TANC1: variants seen among roughly 807,000 people sequenced by gnomAD.
TANC1 encodes the protein protein TANC1.
A neutral mutation model predicts 149.7 loss-of-function variants in TANC1; 77 were observed. The observed-to-expected ratio is 0.51, with a 90% CI of 0.43 to 0.62. The LOEUF (loss-of-function observed/expected upper bound fraction) is 0.62. TANC1 is among the 20% of genes least tolerant of loss of function. The pLI is 0.00. For synonymous variants in TANC1, 854 were observed against 925.0 expected (o/e 0.92, Z 1.39); for missense variants, 1,985 against 2,321.8 (o/e 0.85, Z 2.98).
chr2:159,093,505 G>T (rs6753771), intron 3 of TANC1, among the ~76,000 whole-genome samples: 1 of 152,076 alleles, frequency 6.6e-6, no homozygotes, highest in Non-Finnish European at 1.5e-5. Context: ...TTGTTTGACC[G>T]TATTCCCCTT....
chr2:159,105,109 T>C (rs1174866762), intron 4 of TANC1, among the ~76,000 whole-genome samples: 2 of 138,028 alleles, frequency 1.4e-5, no homozygotes, highest in Non-Finnish European at 3.1e-5. Flanking sequence ...ATTCTCCTGC[T>C]TCAGCCTTCC....
intron 1 of TANC1, among the ~76,000 whole-genome samples, chr2:158,996,514 T>C (rs374803239): frequency 1.2e-4 from 18 of 152,386 alleles, no homozygotes; most frequent in African/African-American, 4.1e-4. Context: ...AAATGATTTC[T>C]AGTGATTGCA....
chr2:159,229,526 CT>C, intron 26 of TANC1, 51 bp from the exon 27 acceptor site: 1 of 1,403,668 alleles, frequency 7.1e-7, no homozygotes, highest in South Asian at 1.3e-5. Flanking sequence ...CAGTTACACT[CT>C]GAGCATGTTC....
chr2:159,021,593 A>G (rs527697412), intron 2 of TANC1, among the ~76,000 whole-genome samples: 1 of 152,246 alleles, frequency 6.6e-6, no homozygotes, highest in South Asian at 2.1e-4. Flanking sequence ...CAGCCTGGGC[A>G]ATGTAACGAG....
At chr2:158,985,831 A>T (rs1214020722) in intron 1 of TANC1, among the ~76,000 whole-genome samples, 1 of 151,932 alleles carries the variant, frequency 6.6e-6, no homozygotes, top group Non-Finnish European at 1.5e-5. Flanking sequence ...TTTAGTAGAG[A>T]CTGGGTTTCA....
At position 159,027,367 on chromosome 2, in the gene TANC1, G is replaced by A. The variant is rs115265239; in HGVS notation, c.-16+26178G>A. ...AAGCTCTGCATTTCACAAAGACCTA[G>A]GACATGGACACAATTTAGCCAAGCT... On this transcript the variant is annotated intron_variant, in intron 2 of 26. Coordinates refer to ENST00000263635, the MANE Select transcript of TANC1 (RefSeq NM_033394.3). 8.8e-4 allele frequency among the ~76,000 whole-genome samples: 134 copies of A among 152,270 alleles called. 1 individual carries two copies. Among genetic ancestry groups the A allele is most frequent in the African/African-American group, 3.0e-3 (126 of 41,542 alleles).
intron 2 of TANC1, among the ~76,000 whole-genome samples, chr2:159,018,617 G>T (rs2038508083): frequency 6.6e-6 from 1 of 152,114 alleles, no homozygotes; most frequent in South Asian, 2.1e-4. Context: ...ACCCCAAAGA[G>T]AAATTCTGTA....
At chr2:159,049,796 T>C (rs1414732021) in intron 2 of TANC1, among the ~76,000 whole-genome samples, 1 of 152,130 alleles carries the variant, frequency 6.6e-6, no homozygotes, top group Admixed American at 6.5e-5. Flanking sequence ...GGACCCAGAC[T>C]AGTGAGTGGG....
rs559554034 is a variant in TANC1 at position 159,065,489 on chromosome 2, G to A, written c.-15-407G>A. On this transcript the variant is annotated intron_variant, in intron 2 of 26. Transcript: ENST00000263635. ...CCTGTAAAACATTGCCTTTAACCAT[G>A]TAGCTTCTTTCATTATCTTTTTGAT... 2.6e-5 allele frequency among the ~76,000 whole-genome samples: 4 copies of A among 152,250 alleles called. No individual in the cohort carries two copies. The South Asian group carries it at 8.3e-4, about 32-fold the overall frequency.
chr2:159,002,171 G>T (rs2036666798), intron 2 of TANC1, among the ~76,000 whole-genome samples: 2 of 152,210 alleles, frequency 1.3e-5, no homozygotes, highest in African/African-American at 4.8e-5. Flanking sequence ...CCCAGACTGG[G>T]ACCTGCGGCC....
At chr2:159,222,549 C>T (rs571881073) in intron 22 of TANC1, among the ~76,000 whole-genome samples, 3 of 152,154 alleles carry the variant, frequency 2.0e-5, no homozygotes, top group South Asian at 2.1e-4. Flanking sequence ...CATGTTGTAG[C>T]GTGTGTTAGA....
At chr2:158,988,767 C>T (rs546881353) in intron 1 of TANC1, among the ~76,000 whole-genome samples, 1 of 152,158 alleles carries the variant, frequency 6.6e-6, no homozygotes, top group Non-Finnish European at 1.5e-5. Flanking sequence ...GGCATTCTTT[C>T]TTCCTACCTC....
At chr2:159,176,123 A>G (rs1419585229) in intron 12 of TANC1, among the ~76,000 whole-genome samples, 1 of 152,210 alleles carries the variant, frequency 6.6e-6, no homozygotes, top group Admixed American at 6.5e-5. Flanking sequence ...TTCTGCTAAC[A>G]TGTGTCATGC....
chr2:159,102,823 A>G (rs1401966803), intron 4 of TANC1, among the ~76,000 whole-genome samples: 1 of 85,000 alleles, frequency 1.2e-5, no homozygotes, highest in East Asian at 2.5e-4. Context: ...GGTTCACGCC[A>G]TTCTCCTGCT....
chr2:159,131,397 T>C (rs1449546800), intron 4 of TANC1, among the ~76,000 whole-genome samples: 1 of 152,024 alleles, frequency 6.6e-6, no homozygotes, highest in Non-Finnish European at 1.5e-5. Context: ...GTCTCACTTT[T>C]CCTTCAGTAG....
intron 16 of TANC1, among the ~76,000 whole-genome samples, chr2:159,192,159 A>AGC (rs2150676266): frequency 6.6e-6 from 1 of 152,244 alleles, no homozygotes; most frequent in East Asian, 1.9e-4. Context: ...TAGTGGAAGC[A>AGC]GCACATTATT....
At chr2:158,997,426 A>G (rs1207638711) in intron 1 of TANC1, among the ~76,000 whole-genome samples, 1 of 152,256 alleles carries the variant, frequency 6.6e-6, no homozygotes, top group Non-Finnish European at 1.5e-5. Flanking sequence ...GTGTGTATTC[A>G]TGGATTAGGA....
At chr2:159,084,996 C>T (rs1266380052) in intron 3 of TANC1, among the ~76,000 whole-genome samples, 1 of 152,160 alleles carries the variant, frequency 6.6e-6, no homozygotes, top group East Asian at 1.9e-4. Context: ...GGGGCAATGA[C>T]AGTGTCATTT....
chr2:159,078,493 T>G (rs773125327), intron 3 of TANC1, among the ~76,000 whole-genome samples: 11 of 152,228 alleles, frequency 7.2e-5, no homozygotes, highest in Non-Finnish European at 1.3e-4. Context: ...GTTCTGTAAA[T>G]TCACTGTTGA....
Sources: gnomAD v4.1 joint callset for allele counts (sites outside exome capture counted in the v4.1 genomes callset) on GRCh38, gnomAD v4.1.1 for gene constraint, MANE v1.5 for transcripts, NCBI Gene and HGNC (gene_info 2026-07-23, HGNC 2026-07-21) for gene names.